IRAG1: variants seen among roughly 807,000 people sequenced by gnomAD.
The protein encoded by IRAG1 is IP3R-associated cGMP kinase substrate.
IRAG1 carries 62 observed loss-of-function variants against 106.2 expected under a neutral mutation model. The observed-to-expected ratio is 0.58, with a 90% CI of 0.48 to 0.72. IRAG1 has a LOEUF of 0.72. Among genes scored for constraint, IRAG1 ranks in the 30% least tolerant of loss-of-function variants. The probability of loss-of-function intolerance (pLI) is 0.00; values close to 1 mark genes in which losing one functional copy is unlikely to be tolerated. For missense variants in IRAG1, 1,064 were observed against 1,140.7 expected, an observed-to-expected ratio of 0.93 and a Z score of 0.97; for synonymous variants, 462 against 443.9, an observed-to-expected ratio of 1.04 and a Z score of -0.51.
intron 1 of IRAG1, among the ~76,000 whole-genome samples, chr11:10,670,729 T>A (rs1023511417): frequency 3.9e-5 from 6 of 152,144 alleles, no homozygotes; most frequent in African/African-American, 1.2e-4. Flanking sequence ...TAGACCCTAA[T>A]CCAATCTGAC....
intron 2 of IRAG1, among the ~76,000 whole-genome samples, chr11:10,646,784 G>C (rs1857986054): frequency 6.6e-6 from 1 of 152,174 alleles, no homozygotes; most frequent in African/African-American, 2.4e-5. Context: ...GAGAGACCCA[G>C]AGTGCCTCAT....
intron 20 of IRAG1, among the ~76,000 whole-genome samples, chr11:10,578,366 GCTTT>G (rs1851045408): frequency 6.6e-6 from 1 of 152,188 alleles, no homozygotes; most frequent in African/African-American, 2.4e-5. Flanking sequence ...AGAAGACTGT[GCTTT>G]CTGTTTTAAT....
intron 10 of IRAG1, among the ~76,000 whole-genome samples, chr11:10,611,378 T>A (rs1854946765): frequency 6.6e-6 from 1 of 152,164 alleles, no homozygotes; most frequent in African/African-American, 2.4e-5. Flanking sequence ...CCTACCACAC[T>A]CAACAGAGAG....
intron 10 of IRAG1, among the ~76,000 whole-genome samples, chr11:10,612,270 G>A (rs1232833259): frequency 1.3e-5 from 2 of 152,146 alleles, no homozygotes; most frequent in African/African-American, 4.8e-5. Context: ...ACCTAAATTG[G>A]TGAAACAATC....
chr11:10,638,808 T>C (rs1012560975), intron 2 of IRAG1, among the ~76,000 whole-genome samples: 3 of 152,198 alleles, frequency 2.0e-5, no homozygotes, highest in African/African-American at 7.2e-5. Context: ...GCTAATTCCA[T>C]GTTGTATTCT....
chr11:10,634,559 C>T (rs1856991260), intron 2 of IRAG1, among the ~76,000 whole-genome samples: 1 of 152,142 alleles, frequency 6.6e-6, no homozygotes, highest in Admixed American at 6.5e-5. Flanking sequence ...TTCTCCCACC[C>T]CCAGTCACTG....
chr11:10,684,940 T>C (rs189709082), intron 1 of IRAG1, among the ~76,000 whole-genome samples: 1 of 152,198 alleles, frequency 6.6e-6, no homozygotes, highest in Admixed American at 6.5e-5. Flanking sequence ...AGAGAAAGGC[T>C]TGTCCAAACT....
rs1850765828 is a variant in IRAG1 at position 10,575,416 on chromosome 11, TC to T, written c.*915del. 1 of 152,240 alleles carries T rather than the reference TC, an allele frequency of 6.6e-6. No individual in the cohort carries two copies. Among genetic ancestry groups the T allele is most frequent in the South Asian group, 2.1e-4 (1 of 4,834 alleles). 9.4% of individuals were successfully genotyped at this position (152,240 alleles called of 1,614,324 possible). A position where few individuals can be genotyped will look rare whatever the true frequency, so the allele number is the denominator to read the frequency against. On this transcript the variant is annotated 3_prime_UTR_variant, in exon 21 of 21. Coordinates refer to ENST00000423302, the MANE Select transcript of IRAG1 (RefSeq NM_130385.4). ...GGAATAGATTGTGCTGTACAGCAGC[TC>T]AGAGTTGGCATTTGAAATGGAGACT...
At chr11:10,607,454 C>A (rs1812138323) in intron 11 of IRAG1, among the ~76,000 whole-genome samples, 1 of 152,228 alleles carries the variant, frequency 6.6e-6, no homozygotes, top group African/African-American at 2.4e-5. Flanking sequence ...TCGTCTGTGG[C>A]GTTCCCACAG....
At position 10,581,904 on chromosome 11, in the gene IRAG1, T is replaced by C. The variant is rs750983693; in HGVS notation, c.2323A>G (p.Thr775Ala). The C allele has an allele frequency of 1.2e-6, 2 of 1,613,872 alleles. No homozygotes were observed. Among genetic ancestry groups the C allele is most frequent in the Non-Finnish European group, 1.7e-6 (2 of 1,179,802 alleles). ...LSCLEELSQE[T>A]KARMEEEAYS... ...GCTTCTTCCTCCATCCTGGCCTTGG[T>C]CTCCTGACTAAGCTCCTCCAGGCAG... Residue 775 changes from threonine (T) to alanine (A), a missense_variant, in exon 19 of 21, where the codon ACC becomes GCC. Thr to Ala is a moderately conservative substitution (Grantham distance 58). Transcript: ENST00000423302.
chr11:10,627,850 G>T (rs1856373761), intron 7 of IRAG1, 90 bp from the exon 8 acceptor site: 1 of 1,588,874 alleles, frequency 6.3e-7, no homozygotes, highest in Admixed American at 1.7e-5. Flanking sequence ...CCTAGCAGTG[G>T]TGTTCATGCC....
At chr11:10,601,298 T>A (rs546670529) in intron 14 of IRAG1, among the ~76,000 whole-genome samples, 2 of 152,298 alleles carry the variant, frequency 1.3e-5, no homozygotes, top group African/African-American at 4.8e-5. Context: ...AGAGGAGAGT[T>A]GTTTCTGCTT....
intron 2 of IRAG1, among the ~76,000 whole-genome samples, chr11:10,634,998 A>C (rs1440307786): frequency 6.6e-6 from 1 of 152,218 alleles, no homozygotes; most frequent in East Asian, 1.9e-4. Flanking sequence ...TCATGCACTA[A>C]GATTAGGGAC....
chr11:10,577,743 G>T (rs537395150), intron 20 of IRAG1, among the ~76,000 whole-genome samples: 1 of 152,310 alleles, frequency 6.6e-6, no homozygotes, highest in African/African-American at 2.4e-5. Flanking sequence ...TCCTTAGAAA[G>T]GGACCAGATG....
chr11:10,619,933 C>T (rs1040953209), intron 10 of IRAG1, among the ~76,000 whole-genome samples: 3 of 152,040 alleles, frequency 2.0e-5, no homozygotes, highest in African/African-American at 4.8e-5. Context: ...CATTCATTTG[C>T]CTGATAATTT....
At chr11:10,691,584 A>C (rs1043286077) in intron 1 of IRAG1, among the ~76,000 whole-genome samples, 4 of 152,102 alleles carry the variant, frequency 2.6e-5, no homozygotes, top group Middle Eastern at 3.2e-3. Context: ...CACCCAAGAT[A>C]CTATTTAAAT....
intron 1 of IRAG1, among the ~76,000 whole-genome samples, chr11:10,672,750 A>G (rs1381839386): frequency 2.0e-5 from 3 of 152,232 alleles, no homozygotes; most frequent in Non-Finnish European, 4.4e-5. Flanking sequence ...ACCGCTTTGG[A>G]AAACAGCTTA....
intron 2 of IRAG1, among the ~76,000 whole-genome samples, chr11:10,651,142 C>G (rs2134892755): frequency 6.6e-6 from 1 of 152,238 alleles, no homozygotes; most frequent in South Asian, 2.1e-4. Flanking sequence ...TCAAAGAAAA[C>G]AGTGATGGAG....
rs1429260400 is a variant in IRAG1 at position 10,595,561 on chromosome 11, C to T, written c.2018-1366G>A. Among the ~76,000 whole-genome samples the T allele has an allele frequency of 7.9e-5, 12 of 152,174 alleles. No homozygotes were observed. The East Asian group carries it at 2.3e-3, about 29-fold the overall frequency. On this transcript the variant is annotated intron_variant, in intron 15 of 20. Transcript: ENST00000423302. Reference sequence around the variant, plus strand: ...ATATTGCTTTCCAGGATTTTTATTTCACCTTGTGTTTGTATTCTTAAATTA... The same window carrying T: ...ATATTGCTTTCCAGGATTTTTATTTTACCTTGTGTTTGTATTCTTAAATTA...
Sources: allele counts gnomAD v4.1 joint callset (sites outside exome capture counted in the v4.1 genomes callset), GRCh38; gene constraint gnomAD v4.1.1; transcripts MANE v1.5; gene names NCBI Gene and HGNC (gene_info 2026-07-23, HGNC 2026-07-21).